Variants in SUGT1 observed in about 807,000 individuals in gnomAD.
The protein encoded by SUGT1 is SGT1 assembly cochaperone of MIS12 kinetochore complex.
In SUGT1, 15 loss-of-function variants were observed where a neutral mutation model predicts 56.1. The ratio of observed to expected loss-of-function variants is 0.27; its 90% confidence interval spans 0.18 to 0.41. The LOEUF is 0.41. Ranked by LOEUF, SUGT1 falls within the 10% of genes least tolerant of loss-of-function variation. The pLI is 1.00. For missense variants in SUGT1, 347 were observed against 382.2 expected (o/e 0.91, Z 0.77); for synonymous variants, 123 against 128.6 (o/e 0.96, Z 0.30).
At chr13:52,664,207 A>G in intron 8 of SUGT1, 150 bp downstream of exon 8, 1 of 717,074 alleles carries the variant, frequency 1.4e-6, no homozygotes, top group South Asian at 1.8e-5. Flanking sequence ...TGTAAAGCCA[A>G]TTTTAAGGCT....
At chr13:52,665,754 T>G (rs761421277) in intron 9 of SUGT1, 21 bp downstream of exon 9, 1 of 1,530,740 alleles carries the variant, frequency 6.5e-7, no homozygotes, top group Admixed American at 2.1e-5. Context: ...TGAATCATTT[T>G]TCAATGTTGA....
chr13:52,658,182 T>A, intron 3 of SUGT1: 4 of 1,481,540 alleles, frequency 2.7e-6, no homozygotes, highest in Non-Finnish European at 3.6e-6. Context: ...GCTGTATTCA[T>A]TGAAGAGCTT....
intron 10 of SUGT1, among the ~76,000 whole-genome samples, chr13:52,675,079 TC>T (rs1227294829): frequency 1.3e-5 from 2 of 152,170 alleles, no homozygotes; most frequent in Non-Finnish European, 2.9e-5. Flanking sequence ...GTTAGGCCAT[TC>T]CCTATGCTCT....
intron 10 of SUGT1, among the ~76,000 whole-genome samples, chr13:52,674,784 GCTTA>G (rs1371785057): frequency 3.9e-5 from 6 of 152,036 alleles, no homozygotes; most frequent in African/African-American, 1.2e-4. Flanking sequence ...TTATTATAGT[GCTTA>G]CTTTAATATT....
chr13:52,659,715 T>C (rs1962331648), intron 5 of SUGT1, among the ~76,000 whole-genome samples: 1 of 149,834 alleles, frequency 6.7e-6, no homozygotes, highest in Non-Finnish European at 1.5e-5. Flanking sequence ...TTTAATGTTA[T>C]ATTCTTGAGG....
rs544270536 is a variant in SUGT1 at position 52,675,290 on chromosome 13, C to G, written c.628-940C>G. Among the ~76,000 whole-genome samples, 5 of 152,250 alleles carry G rather than the reference C, an allele frequency of 3.3e-5. No individual in the cohort carries two copies. The South Asian group carries it at 1.0e-3, about 32-fold the overall frequency. On this transcript the variant is annotated intron_variant, in intron 10 of 12. Coordinates refer to ENST00000310528, the MANE Select transcript of SUGT1 (RefSeq NM_006704.5). ...GATGTGTCTTTAATATTTTAAAAAT[C>G]CACCTGGGCTTGGTGGCTCATGCCT...
chr13:52,676,180 T>A (rs1179230028), intron 10 of SUGT1, 50 bp from the exon 11 acceptor site: 1 of 1,468,892 alleles, frequency 6.8e-7, no homozygotes, highest in Non-Finnish European at 9.3e-7. Flanking sequence ...TTTTTTACTG[T>A]TTTGTGTATT....
chr13:52,663,719 A>G (rs1335228762), intron 7 of SUGT1, among the ~76,000 whole-genome samples: 1 of 152,222 alleles, frequency 6.6e-6, no homozygotes, highest in African/African-American at 2.4e-5. Context: ...GCCATTTTAT[A>G]TAAGCAACCT....
At chr13:52,661,885 A>G (rs1390520182) in intron 5 of SUGT1, among the ~76,000 whole-genome samples, 1 of 152,112 alleles carries the variant, frequency 6.6e-6, no homozygotes, top group East Asian at 1.9e-4. Flanking sequence ...TTAATTTAAG[A>G]TTTTCAAATT....
In SUGT1 at chr13:52,692,073, C is replaced by G. The variant is rs1043901480; in HGVS notation, c.*4238C>G. ...CAGCTAAAATCATATACAATGAATGCTGACTCATTACTGCAAATAGTGGTA... is the reference window on the plus strand; with the variant it reads ...CAGCTAAAATCATATACAATGAATGGTGACTCATTACTGCAAATAGTGGTA... On this transcript the variant is annotated 3_prime_UTR_variant, in exon 13 of 13. Coordinates refer to ENST00000310528, the MANE Select transcript of SUGT1 (RefSeq NM_006704.5). 1 of 152,166 alleles carries G rather than the reference C, an allele frequency of 6.6e-6. No individual in the cohort carries two copies. The highest frequency in any genetic ancestry group is 1.5e-5 in the Non-Finnish European group (1 of 68,030). 9.4% of individuals were successfully genotyped at this position (152,166 alleles called of 1,614,324 possible).
At chr13:52,672,707 G>A (rs893069218) in intron 10 of SUGT1, among the ~76,000 whole-genome samples, 3 of 152,092 alleles carry the variant, frequency 2.0e-5, no homozygotes, top group African/African-American at 4.8e-5. Context: ...TTAGTCTCTG[G>A]GAAAGATCCC....
chr13:52,657,084 T>G (rs1267239065), intron 2 of SUGT1, among the ~76,000 whole-genome samples: 1 of 152,228 alleles, frequency 6.6e-6, no homozygotes, highest in Non-Finnish European at 1.5e-5. Flanking sequence ...ATGTATTGAT[T>G]GTCTTAACCT....
In SUGT1 at chr13:52,680,168, A is replaced by T. The variant is rs1277197842; in HGVS notation, c.900+13A>T. ...GAACAAATCCTTTGTAAGAATATAAACTTAAAGAAATATATATGGGAGCAA... is the reference window on the plus strand; with the variant it reads ...GAACAAATCCTTTGTAAGAATATAATCTTAAAGAAATATATATGGGAGCAA... On this transcript the variant is annotated intron_variant, in intron 12 of 12. Transcript: ENST00000310528. The T allele has an allele frequency of 1.9e-6, 3 of 1,551,770 alleles. No individual in the cohort carries two copies. The highest frequency in any genetic ancestry group is 2.6e-6 in the Non-Finnish European group (3 of 1,159,856).
chr13:52,689,369 T>G lies in SUGT1; in HGVS notation c.*1534T>G, dbSNP rs1963708616. ...AAGTTTTCTTCTTAGGAAAATAGGA[T>G]AGTGACTTTTGTATTCTGTATGTTA... is the stretch of plus-strand genomic sequence containing the variant. On this transcript the variant is annotated 3_prime_UTR_variant, in exon 13 of 13. Coordinates refer to ENST00000310528, the MANE Select transcript of SUGT1 (RefSeq NM_006704.5). The G allele has an allele frequency of 6.6e-6, 1 of 152,172 alleles. No individual in the cohort carries two copies. The allele number at this position is 152,172 out of a possible 1,614,324, so 9.4% of individuals were successfully genotyped here.
At chr13:52,681,165 A>G (rs1253150567) in intron 12 of SUGT1, among the ~76,000 whole-genome samples, 1 of 151,642 alleles carries the variant, frequency 6.6e-6, no homozygotes, top group Non-Finnish European at 1.5e-5. Context: ...ATTTTTTTTC[A>G]TCACTTTTGG....
chr13:52,675,082 C>T (rs1164966804), intron 10 of SUGT1, among the ~76,000 whole-genome samples: 1 of 152,126 alleles, frequency 6.6e-6, no homozygotes, highest in African/African-American at 2.4e-5. Flanking sequence ...AGGCCATTCC[C>T]TATGCTCTGG....
chr13:52,670,016 G>A (rs899151548), intron 10 of SUGT1, among the ~76,000 whole-genome samples: 9 of 152,098 alleles, frequency 5.9e-5, no homozygotes, highest in African/African-American at 1.4e-4. Flanking sequence ...GAGAAAGGAC[G>A]CATTTTGCAG....
intron 5 of SUGT1, among the ~76,000 whole-genome samples, chr13:52,660,870 G>A (rs1223946887): frequency 2.6e-5 from 4 of 152,178 alleles, no homozygotes; most frequent in African/African-American, 9.7e-5. Context: ...GCAGTGGTGC[G>A]ATCTTGGGTC....
intron 10 of SUGT1, among the ~76,000 whole-genome samples, chr13:52,674,547 G>C (rs17541350): frequency 0.017 from 2,596 of 152,120 alleles, 73 homozygotes; most frequent in Admixed American, 0.078. Context: ...AAATTTTGAA[G>C]GTCCTTTTGC....
Sources: allele counts gnomAD v4.1 joint callset (sites outside exome capture counted in the v4.1 genomes callset), GRCh38; gene constraint gnomAD v4.1.1; transcripts MANE v1.5; gene names NCBI Gene and HGNC (gene_info 2026-07-23, HGNC 2026-07-21).